ABCC1: variants seen among roughly 807,000 people sequenced by gnomAD.
The protein encoded by ABCC1 is multidrug resistance-associated protein 1.
A neutral mutation model predicts 172.9 loss-of-function variants in ABCC1; 83 were observed. The ratio of observed to expected loss-of-function variants is 0.48; its 90% CI spans 0.40 to 0.58. ABCC1 has a LOEUF of 0.58. ABCC1 is among the 20% of genes least tolerant of loss of function. The pLI is 0.00. For synonymous variants in ABCC1, 937 were observed against 825.2 expected (o/e 1.14, Z -2.32); for missense variants, 1,817 against 2,002.7 (o/e 0.91, Z 1.77).
chr16:16,093,792 C>T (rs904353785), intron 19 of ABCC1, among the ~76,000 whole-genome samples: 1 of 152,008 alleles, frequency 6.6e-6, no homozygotes, highest in South Asian at 2.1e-4. Context: ...TTGGATTAAT[C>T]AGCTCTTTTT....
intron 1 of ABCC1, among the ~76,000 whole-genome samples, chr16:15,961,559 C>T (rs1284108593): frequency 6.6e-6 from 1 of 152,160 alleles, no homozygotes; most frequent in Admixed American, 6.5e-5. Context: ...ATGATAGTTT[C>T]TTGGGTGTTT....
At chr16:16,037,101 CA>C (rs767426927) in intron 7 of ABCC1, among the ~76,000 whole-genome samples, 191 of 138,368 alleles carry the variant, frequency 1.4e-3, no homozygotes, top group Admixed American at 1.5e-3. Flanking sequence ...GACTCCGTCT[CA>C]AAAAAAAAAA....
intron 13 of ABCC1, among the ~76,000 whole-genome samples, chr16:16,070,811 G>A (rs576498556): frequency 6.6e-6 from 1 of 151,872 alleles, no homozygotes; most frequent in East Asian, 1.9e-4. Flanking sequence ...TTTCTTTGCC[G>A]AATAATTTTA....
At chr16:16,138,667 C>A in intron 30 of ABCC1, 109 bp downstream of exon 30, 1 of 844,402 alleles carries the variant, frequency 1.2e-6, no homozygotes, top group Non-Finnish European at 1.6e-6. Context: ...CTAGTGACAG[C>A]CCCAGTGGGT....
chr16:16,010,036 CCTTT>C, intron 3 of ABCC1, 135 bp downstream of exon 3: 1 of 116,696 alleles, frequency 8.6e-6, no homozygotes, highest in Non-Finnish European at 1.3e-5. Flanking sequence ...TTAAATGTAG[CCTTT>C]TTTTTTTTTT....
At chr16:16,045,794 G>A (rs953792563) in intron 8 of ABCC1, 42 bp from the exon 9 acceptor site, 20 of 1,598,372 alleles carry the variant, frequency 1.3e-5, no homozygotes, top group Middle Eastern at 1.7e-4. Context: ...CTGCCCCCAC[G>A]TGTCACAAGT....
intron 1 of ABCC1, among the ~76,000 whole-genome samples, chr16:15,956,187 A>T (rs1235556843): frequency 6.6e-6 from 1 of 152,142 alleles, no homozygotes; most frequent in African/African-American, 2.4e-5. Flanking sequence ...CAGCCTGGCC[A>T]ACATGGTAAA....
At chr16:16,115,903 CT>C (rs1018179679) in intron 23 of ABCC1, among the ~76,000 whole-genome samples, 201 of 143,284 alleles carry the variant, frequency 1.4e-3, no homozygotes, top group Admixed American at 1.5e-3. Context: ...TTCTTTCTTT[CT>C]TTTTTTTTTT....
At chr16:16,111,884 G>C (rs9673292) in intron 22 of ABCC1, among the ~76,000 whole-genome samples, 8,107 of 152,272 alleles carry the variant, frequency 0.053, 307 homozygotes, top group African/African-American at 0.1. Flanking sequence ...ACCCCCTTGA[G>C]CATGTTTGCT....
At chr16:16,073,541 T>C (rs561790838) in intron 14 of ABCC1, among the ~76,000 whole-genome samples, 33 of 152,306 alleles carry the variant, frequency 2.2e-4, no homozygotes, top group Non-Finnish European at 3.4e-4. Context: ...GGCTGGAGGA[T>C]TGCTTGAGGC....
At chr16:16,083,757 G>C (rs1039257698) in intron 17 of ABCC1, among the ~76,000 whole-genome samples, 17 of 152,142 alleles carry the variant, frequency 1.1e-4, no homozygotes, top group Non-Finnish European at 2.2e-4. Context: ...TGGGGACCGG[G>C]GTGAGGGGTC....
intron 12 of ABCC1, among the ~76,000 whole-genome samples, chr16:16,059,706 G>A (rs1267142185): frequency 1.3e-5 from 2 of 152,186 alleles, no homozygotes; most frequent in African/African-American, 4.8e-5. Flanking sequence ...TCGGGAGGCT[G>A]AGGCAGGAGG....
chr16:16,033,321 G>A, intron 6 of ABCC1, 151 bp downstream of exon 6: 1 of 734,000 alleles, frequency 1.4e-6, no homozygotes, highest in African/African-American at 1.8e-5. Flanking sequence ...CTGGCCATGT[G>A]GTCTCAGAGA....
At chr16:16,136,730 G>A in intron 29 of ABCC1, 86 bp downstream of exon 29, 5 of 1,441,630 alleles carry the variant, frequency 3.5e-6, no homozygotes, top group South Asian at 2.8e-5. Flanking sequence ...GTCCAGATCT[G>A]TGTCACCTGG....
intron 1 of ABCC1, among the ~76,000 whole-genome samples, chr16:15,950,355 ACTTAGATACTG>A (rs1421282043): frequency 1.3e-5 from 2 of 151,078 alleles, no homozygotes; most frequent in Non-Finnish European, 3.0e-5. Flanking sequence ...TGTTCTTTCT[ACTTAGATACTG>A]CGGGGGAAGT....
At chr16:15,982,524 C>T (rs1031514382) in intron 1 of ABCC1, among the ~76,000 whole-genome samples, 4 of 151,766 alleles carry the variant, frequency 2.6e-5, no homozygotes, top group African/African-American at 9.7e-5. Context: ...ATGGAGGTAA[C>T]CACCCCCATG....
chr16:16,039,847 C>T (rs1219150989), intron 7 of ABCC1, among the ~76,000 whole-genome samples: 2 of 152,026 alleles, frequency 1.3e-5, no homozygotes, highest in African/African-American at 2.4e-5. Context: ...AGGGAGCAGC[C>T]AGTGCAAAGG....
intron 7 of ABCC1, among the ~76,000 whole-genome samples, chr16:16,038,332 G>C (rs1316115599): frequency 1.3e-5 from 2 of 152,160 alleles, no homozygotes; most frequent in African/African-American, 4.8e-5. Context: ...TAGTCCAAAA[G>C]TCTCAGACCC....
At chr16:16,073,040 CAAA>C (rs5815853) in intron 14 of ABCC1, among the ~76,000 whole-genome samples, 2 of 115,854 alleles carry the variant, frequency 1.7e-5, no homozygotes, top group Non-Finnish European at 3.9e-5. Context: ...GACTTCATCT[CAAA>C]AAAAAAAAAA....
Sources: gnomAD v4.1 joint callset for allele counts (sites outside exome capture counted in the v4.1 genomes callset) on GRCh38, gnomAD v4.1.1 for gene constraint, MANE v1.5 for transcripts, NCBI Gene and HGNC (gene_info 2026-07-23, HGNC 2026-07-21) for gene names.